PVT1: variants seen among roughly 807,000 people sequenced by gnomAD.
The protein encoded by PVT1 is CXCR4/PVT1 fusion.
Position 127,984,842 on chromosome 8 carries a change from TTTCTTTCTTTCTTTC to T in PVT1, n.783-4317_783-4303del, listed in dbSNP as rs1389696622. ...AGGCTGGTTTCTTTCTTTTCTTTTC[TTTCTTTCTTTCTTTC>T]TTTCTTTCTTTCTTTCTTTCTTTCT... On this transcript the variant is annotated intron_variant and non_coding_transcript_variant, in intron 3 of 10. Transcript: ENST00000651587. Among the ~76,000 whole-genome samples, 306 of 53,644 alleles carry T rather than the reference TTTCTTTCTTTCTTTC, an allele frequency of 5.7e-3. 20 individuals carry two copies. Among genetic ancestry groups the T allele is most frequent in the Admixed American group, 6.2e-3 (40 of 6,460 alleles). The allele number at this position is 53,644 out of a possible 152,430, so 35.2% of individuals were successfully genotyped here.
intron 3 of PVT1, among the ~76,000 whole-genome samples, chr8:127,895,770 A>G (rs1188330802): frequency 6.6e-6 from 1 of 152,240 alleles, no homozygotes; most frequent in East Asian, 1.9e-4. Flanking sequence ...TATCTAAAGT[A>G]AAGATTGGCA....
chr8:127,965,581 C>G (rs758674027), intron 3 of PVT1, among the ~76,000 whole-genome samples: 1 of 152,234 alleles, frequency 6.6e-6, no homozygotes, highest in Non-Finnish European at 1.5e-5. Context: ...AAATGGCCAT[C>G]CTGGGTCCTG....
intron 2 of PVT1, among the ~76,000 whole-genome samples, chr8:127,882,409 C>T (rs1423585394): frequency 1.3e-5 from 2 of 152,092 alleles, no homozygotes; most frequent in East Asian, 1.9e-4. Flanking sequence ...TGAGCACAGC[C>T]AGAGAAATTG....
intron 5 of PVT1, among the ~76,000 whole-genome samples, chr8:128,078,608 G>A (rs1814124693): frequency 6.6e-6 from 1 of 152,058 alleles, no homozygotes; most frequent in Admixed American, 6.5e-5. Context: ...GCCAGTTTTT[G>A]TCTTTTCTCC....
chr8:127,881,693 G>A (rs1815469477), intron 2 of PVT1, among the ~76,000 whole-genome samples: 1 of 151,940 alleles, frequency 6.6e-6, no homozygotes, highest in Admixed American at 6.6e-5. Flanking sequence ...CTGACCTTAG[G>A]TGATCCACTT....
chr8:127,913,762 C>T lies in PVT1; in HGVS notation n.782+22764C>T, dbSNP rs139951717. ...CTCCAGGGTCTGTGTGGGATTAAGT[C>T]GTCCGCAGTCTTTCCCTCCCTTAAT... On this transcript the variant is annotated intron_variant and non_coding_transcript_variant, in intron 3 of 10. Transcript: ENST00000651587. Among the ~76,000 whole-genome samples, 28 of 152,268 alleles carry T rather than the reference C, an allele frequency of 1.8e-4. No homozygotes were observed. In the East Asian group the frequency reaches 4.3e-3, roughly 23 times the overall value.
chr8:127,983,886 T>C (rs1044989295), intron 3 of PVT1: 1 of 149,556 alleles, frequency 6.7e-6, no homozygotes, highest in Non-Finnish European at 1.5e-5. Context: ...ATTTTTTTTT[T>C]TTTTTTTTTT....
intron 5 of PVT1, among the ~76,000 whole-genome samples, chr8:128,080,541 AT>A (rs1185801649): frequency 2.0e-5 from 3 of 152,188 alleles, no homozygotes; most frequent in Non-Finnish European, 4.4e-5. Flanking sequence ...TCTTTTGCTC[AT>A]GTTTTAACTG....
intron 4 of PVT1, among the ~76,000 whole-genome samples, chr8:127,997,059 TTGTTTG>T (rs1316467547): frequency 3.0e-5 from 4 of 133,236 alleles, no homozygotes; most frequent in East Asian, 2.2e-4. Context: ...TTTTTTTTGT[TTGTTTG>T]TTTTTTGATA....
intron 2 of PVT1, among the ~76,000 whole-genome samples, chr8:127,815,554 T>C (rs189662321): frequency 6.6e-6 from 1 of 152,312 alleles, no homozygotes; most frequent in East Asian, 1.9e-4. Flanking sequence ...TTCGGCAGCT[T>C]GATCAGGTAG....
intron 4 of PVT1, among the ~76,000 whole-genome samples, chr8:127,992,839 A>C (rs1241242290): frequency 6.6e-6 from 1 of 152,178 alleles, no homozygotes; most frequent in East Asian, 1.9e-4. Context: ...TGATACTGCC[A>C]CACTGGTCAT....
chr8:127,832,069 CACAACTTAA>C (rs1814856558), intron 2 of PVT1, among the ~76,000 whole-genome samples: 2 of 152,030 alleles, frequency 1.3e-5, no homozygotes, highest in Non-Finnish European at 2.9e-5. Flanking sequence ...ATGAGAAAGC[CACAACTTAA>C]AAACGTCAAG....
intron 5 of PVT1, among the ~76,000 whole-genome samples, chr8:128,077,994 C>T (rs866181211): frequency 8.5e-5 from 13 of 152,114 alleles, no homozygotes; most frequent in Middle Eastern, 3.2e-3. Flanking sequence ...AGAGAGGGGT[C>T]GTGGGGATGG....
rs150616074 is a variant in PVT1 at position 128,005,388 on chromosome 8, G to A, written n.912+16097G>A. Among the ~76,000 whole-genome samples, 903 of 152,346 alleles carry A rather than the reference G, an allele frequency of 5.9e-3. 3 individuals carry two copies. Among genetic ancestry groups the A allele is most frequent in the Middle Eastern group, 0.02 (6 of 294 alleles). On this transcript the variant is annotated intron_variant and non_coding_transcript_variant, in intron 4 of 10. Transcript: ENST00000651587. Reference sequence around the variant, plus strand: ...CACCCCTGTCTTAGACTTTTAAGGAGCTGTGACTGAAGGATGGAGACTGGG... The same window carrying A: ...CACCCCTGTCTTAGACTTTTAAGGAACTGTGACTGAAGGATGGAGACTGGG...
chr8:128,051,699 T>C (rs1163418735), intron 4 of PVT1, among the ~76,000 whole-genome samples: 1 of 152,196 alleles, frequency 6.6e-6, no homozygotes, highest in African/African-American at 2.4e-5. Context: ...GATTCCATCT[T>C]CTGGTCGATC....
chr8:128,022,862 ATTTTTTT>A (rs57327175), intron 4 of PVT1, among the ~76,000 whole-genome samples: 24 of 133,994 alleles, frequency 1.8e-4, no homozygotes, highest in Admixed American at 7.7e-4. Context: ...GCAAGCTGAG[ATTTTTTT>A]TTTTTTTTTT....
chr8:127,845,173 G>A (rs537195207), intron 2 of PVT1, among the ~76,000 whole-genome samples: 64 of 152,074 alleles, frequency 4.2e-4, no homozygotes, highest in Middle Eastern at 3.4e-3. Context: ...TGAGAAATAA[G>A]GTGTGTGTTG....
intron 3 of PVT1, among the ~76,000 whole-genome samples, chr8:127,975,071 T>C (rs1271491158): frequency 1.3e-5 from 2 of 152,232 alleles, no homozygotes; most frequent in African/African-American, 4.8e-5. Context: ...TTCTCTGTTG[T>C]TAAAAATTAA....
At chr8:128,092,093 C>T (rs184718548) in intron 5 of PVT1, among the ~76,000 whole-genome samples, 48 of 152,274 alleles carry the variant, frequency 3.2e-4, no homozygotes, top group African/African-American at 1.1e-3. Context: ...TCCCACCTGG[C>T]GGGCCCAGCT....
Sources: allele counts gnomAD v4.1 joint callset (sites outside exome capture counted in the v4.1 genomes callset), GRCh38; gene constraint gnomAD v4.1.1; transcripts MANE v1.5; gene names NCBI Gene and HGNC (gene_info 2026-07-23, HGNC 2026-07-21).